MROH1: variants seen among roughly 807,000 people sequenced by gnomAD.
MROH1 encodes the protein maestro heat-like repeat-containing protein family member 1.
A neutral mutation model predicts 116.5 loss-of-function variants in MROH1; 117 were observed. The observed-to-expected ratio is 1.00, with a 90% CI of 0.86 to 1.17. MROH1 has a LOEUF of 1.17. Ranked by LOEUF, MROH1 falls within the 50% of genes most tolerant of loss-of-function variation. The pLI is 0.00. For missense variants in MROH1, 1,873 were observed against 1,338.5 expected (o/e 1.40, Z -6.23); for synonymous variants, 921 against 583.9 (o/e 1.58, Z -8.32).
chr8:144,158,014 A>T (rs1818594970), intron 1 of MROH1, among the ~76,000 whole-genome samples: 5 of 96,584 alleles, frequency 5.2e-5, no homozygotes, highest in African/African-American at 1.3e-4. Flanking sequence ...TTTTTTTGAG[A>T]TGGAGTCTGG....
At chr8:144,155,566 A>G (rs1336895016) in intron 1 of MROH1, among the ~76,000 whole-genome samples, 3 of 151,822 alleles carry the variant, frequency 2.0e-5, no homozygotes, top group Non-Finnish European at 4.4e-5. Flanking sequence ...AAGTGAACCC[A>G]TGCAGTTGAA....
chr8:144,255,114 C>G (rs1191906924), intron 34 of MROH1, 136 bp downstream of exon 34: 2 of 609,314 alleles, frequency 3.3e-6, no homozygotes, highest in Non-Finnish European at 5.9e-6. Context: ...GCTGGGAGCT[C>G]TGAGCTCAGG....
intron 3 of MROH1, among the ~76,000 whole-genome samples, chr8:144,167,792 C>T (rs888613816): frequency 6.6e-6 from 1 of 152,178 alleles, no homozygotes; most frequent in Non-Finnish European, 1.5e-5. Context: ...CTGCTGGGGT[C>T]TTGGACCCTC....
chr8:144,199,194 G>A lies in MROH1; in HGVS notation c.1021G>A (p.Val341Met). 3 of 1,612,962 alleles carry A rather than the reference G, an allele frequency of 1.9e-6. No homozygotes were observed. The highest frequency in any genetic ancestry group is 2.5e-6 in the Non-Finnish European group (3 of 1,179,520). The change falls in exon 11 of 44, where the codon GTG (valine) becomes ATG (methionine). Residue 341 changes from valine to methionine, a missense_variant. Physicochemically the swap from Val to Met is conservative, Grantham distance 21. Coordinates refer to ENST00000326134, the MANE Select transcript of MROH1 (RefSeq NM_032450.3). ...NQKEVLRCFT[V>M]LACSSPDRLL... ...GAAGGAGGTGCTGCGCTGCTTCACTGTGCTGGGTGAGTGGTGGGCCCAGCT... is the reference window on the plus strand; with the variant it reads ...GAAGGAGGTGCTGCGCTGCTTCACTATGCTGGGTGAGTGGTGGGCCCAGCT...
chr8:144,240,918 G>A (rs1840869810), intron 20 of MROH1, 74 bp from the exon 21 acceptor site: 3 of 714,000 alleles, frequency 4.2e-6, no homozygotes, highest in Non-Finnish European at 7.8e-6. Flanking sequence ...CACCCCAGGG[G>A]CAGCCCCATG....
chr8:144,152,690 G>A (rs1230380041), intron 1 of MROH1, among the ~76,000 whole-genome samples: 1 of 152,094 alleles, frequency 6.6e-6, no homozygotes, highest in Non-Finnish European at 1.5e-5. Flanking sequence ...GGGACTACAG[G>A]CGCCCGCCAC....
At chr8:144,185,505 G>GGGGTGGCGC (rs1413507749) in intron 7 of MROH1, among the ~76,000 whole-genome samples, 2 of 149,030 alleles carry the variant, frequency 1.3e-5, no homozygotes, top group Non-Finnish European at 3.0e-5. Flanking sequence ...AGGACAGCGA[G>GGGGTGGCGC]GGGTGGCGCG....
chr8:144,228,485 T>A (rs1016613415), intron 14 of MROH1, among the ~76,000 whole-genome samples: 1 of 152,130 alleles, frequency 6.6e-6, no homozygotes, highest in African/African-American at 2.4e-5. Flanking sequence ...GTTTTTGAGA[T>A]GGAGAGTCTT....
chr8:144,253,465 G>C (rs1843175232), intron 33 of MROH1, among the ~76,000 whole-genome samples: 1 of 152,202 alleles, frequency 6.6e-6, no homozygotes, highest in Non-Finnish European at 1.5e-5. Flanking sequence ...CCCTTCCCTG[G>C]GCACAGGTTG....
chr8:144,163,853 G>A lies in MROH1; in HGVS notation c.22+5G>A. ...TGACTGAGTCCTCCATGAAGAGTGA[G>A]TGCATGGGGATTGGGAGTGGCCGGG... On this transcript the variant is annotated splice_donor_5th_base_variant and intron_variant, in intron 3 of 43. Transcript: ENST00000326134. This position sits in a 1 kb window ranked among gnomAD's most constrained non-coding sequence, Gnocchi z 4.4. 1 of 1,613,704 alleles carries A rather than the reference G, an allele frequency of 6.2e-7. No homozygotes were observed. Among genetic ancestry groups the A allele is most frequent in the East Asian group, 2.2e-5 (1 of 44,862 alleles).
chr8:144,166,291 G>A (rs995403804), intron 3 of MROH1, among the ~76,000 whole-genome samples: 1 of 152,222 alleles, frequency 6.6e-6, no homozygotes. Flanking sequence ...ATTTTGGAGG[G>A]ACGTGGCGTG....
chr8:144,155,994 G>A (rs1196795828), intron 1 of MROH1, among the ~76,000 whole-genome samples: 1 of 151,562 alleles, frequency 6.6e-6, no homozygotes, highest in African/African-American at 2.4e-5. Flanking sequence ...ATCCCAACAT[G>A]TTGGGAGGCC....
intron 14 of MROH1, 23 bp from the exon 15 acceptor site, chr8:144,238,733 C>G (rs1490564244): frequency 2.6e-6 from 2 of 768,784 alleles, no homozygotes; most frequent in African/African-American, 3.4e-5. Flanking sequence ...CCACGCACGC[C>G]TTTGCCTTTT....
intron 12 of MROH1, among the ~76,000 whole-genome samples, chr8:144,204,479 T>G (rs538383331): frequency 6.6e-6 from 1 of 152,342 alleles, no homozygotes; most frequent in East Asian, 1.9e-4. Flanking sequence ...ACACGTTAAC[T>G]GTTCAGCTTC....
chr8:144,198,216 T>G (rs1195495364), intron 10 of MROH1, among the ~76,000 whole-genome samples: 1 of 152,194 alleles, frequency 6.6e-6, no homozygotes, highest in East Asian at 1.9e-4. Flanking sequence ...TGGTTACCTC[T>G]TCTGGCTCAT....
chr8:144,155,246 C>T (rs1817754725), intron 1 of MROH1, among the ~76,000 whole-genome samples: 3 of 152,126 alleles, frequency 2.0e-5, no homozygotes, highest in African/African-American at 4.8e-5. Flanking sequence ...CCACCGCACC[C>T]GGCCTCTCAA....
At position 144,239,588 on chromosome 8, in the gene MROH1, C is replaced by G; in HGVS notation, c.1633-26C>G. The stretch of plus-strand genomic sequence containing the variant: ...CATGACCAGTGCTCCCTGCTCAGAC[C>G]CGGCTCCCACGCTGCCTCTTTTCAG... On this transcript the variant is annotated intron_variant, in intron 17 of 43. Transcript: ENST00000326134. The G allele has an allele frequency of 3.9e-6, 3 of 770,322 alleles. No homozygotes were observed. The South Asian group carries it at 4.1e-5, about 11-fold the overall frequency. The allele number at this position is 770,322 out of a possible 1,614,324, so 47.7% of individuals were successfully genotyped here. A position where few individuals can be genotyped will look rare whatever the true frequency, so the allele number is the denominator to read the frequency against.
At position 144,247,451 on chromosome 8, in the gene MROH1, G is replaced by A. The variant is rs1448175771; in HGVS notation, c.3007+15G>A. 10 of 769,292 alleles carry A rather than the reference G, an allele frequency of 1.3e-5. No homozygotes were observed. The African/African-American group carries it at 1.5e-4, about 12-fold the overall frequency. 47.7% of individuals were successfully genotyped at this position (769,292 alleles called of 1,614,324 possible). A position where few individuals can be genotyped will look rare whatever the true frequency, so the allele number is the denominator to read the frequency against. On this transcript the variant is annotated intron_variant, in intron 30 of 43. Coordinates refer to ENST00000326134, the MANE Select transcript of MROH1 (RefSeq NM_032450.3). ...CGGCTATGAGGGTGAGCCCTCGTCA[G>A]GAGTGTGGGGGCCAGTGGTCGTGCA... is the stretch of plus-strand genomic sequence containing the variant.
intron 4 of MROH1, 89 bp from the exon 5 acceptor site, chr8:144,179,366 G>T: frequency 6.5e-7 from 1 of 1,547,352 alleles, no homozygotes; most frequent in African/African-American, 1.4e-5. Flanking sequence ...AGATTTGTGC[G>T]GTTTCATCTT....
Sources: allele counts gnomAD v4.1 joint callset (sites outside exome capture counted in the v4.1 genomes callset), GRCh38; gene constraint gnomAD v4.1.1; non-coding constraint Gnocchi (gnomAD v3.1); transcripts MANE v1.5; gene names NCBI Gene and HGNC (gene_info 2026-07-23, HGNC 2026-07-21).